The following RNGTT variants were observed in gnomAD, a reference collection of about 807,000 sequenced individuals.
RNGTT encodes the protein RNA guanylyltransferase and 5'-phosphatase.
A neutral mutation model predicts 79.3 loss-of-function variants in RNGTT; 33 were observed. That is an observed-to-expected ratio of 0.42 (90% CI 0.32 to 0.56). RNGTT has a LOEUF of 0.56. Ranked by LOEUF, RNGTT falls within the 20% of genes least tolerant of loss-of-function variation. The pLI, the probability that RNGTT is intolerant of heterozygous loss-of-function variation, is 0.17. For missense variants in RNGTT, 497 were observed against 739.1 expected (o/e 0.67, Z 3.80); for synonymous variants, 222 against 235.9 (o/e 0.94, Z 0.54).
At chr6:88,800,681 C>T (rs1465910244) in intron 12 of RNGTT, among the ~76,000 whole-genome samples, 1 of 152,184 alleles carries the variant, frequency 6.6e-6, no homozygotes, top group African/African-American at 2.4e-5. Flanking sequence ...AGTTTCTACT[C>T]AATAGGTGTG....
At chr6:88,626,338 G>A (rs1000216817) in intron 14 of RNGTT, among the ~76,000 whole-genome samples, 1 of 151,878 alleles carries the variant, frequency 6.6e-6, no homozygotes, top group African/African-American at 2.4e-5. Context: ...CCTTCTTTCC[G>A]CTAAGAATCT....
intron 6 of RNGTT, among the ~76,000 whole-genome samples, chr6:88,893,361 C>T (rs184849103): frequency 2.6e-4 from 39 of 152,158 alleles, no homozygotes; most frequent in Admixed American, 7.2e-4. Context: ...CATTTATCAA[C>T]GTGGATTTCC....
intron 13 of RNGTT, among the ~76,000 whole-genome samples, chr6:88,703,428 C>T (rs775539207): frequency 1.1e-4 from 16 of 152,150 alleles, no homozygotes; most frequent in Non-Finnish European, 2.1e-4. Flanking sequence ...GGCCATTGTC[C>T]TATGAGAATT....
intron 13 of RNGTT, among the ~76,000 whole-genome samples, chr6:88,735,567 T>TAAAA (rs71554796): frequency 2.5e-5 from 3 of 120,816 alleles, no homozygotes; most frequent in African/African-American, 9.3e-5. Context: ...ACACGAGTGT[T>TAAAA]AAAAAAAAAA....
At chr6:88,915,707 T>A (rs1048467712) in intron 4 of RNGTT, among the ~76,000 whole-genome samples, 4 of 152,172 alleles carry the variant, frequency 2.6e-5, no homozygotes, top group African/African-American at 9.7e-5. Flanking sequence ...AAGCCCAAAC[T>A]CCTGCCTCAC....
intron 11 of RNGTT, among the ~76,000 whole-genome samples, chr6:88,821,312 A>G (rs1780489842): frequency 6.6e-6 from 1 of 152,168 alleles, no homozygotes; most frequent in Non-Finnish European, 1.5e-5. Context: ...TGTGTGTTAT[A>G]CATCCCCAAG....
At chr6:88,857,799 C>T (rs1379411836) in intron 8 of RNGTT, among the ~76,000 whole-genome samples, 1 of 152,146 alleles carries the variant, frequency 6.6e-6, no homozygotes, top group South Asian at 2.1e-4. Flanking sequence ...GTAAGAGCTG[C>T]CCCATCTCTA....
chr6:88,928,918 A>C, intron 4 of RNGTT, 67 bp downstream of exon 4: 1 of 1,220,584 alleles, frequency 8.2e-7, no homozygotes, highest in Non-Finnish European at 1.2e-6. Context: ...CTTATTTGCA[A>C]ACAAGAAAAC....
rs917847505 is a variant in RNGTT at position 88,890,601 on chromosome 6, A to G, written c.795-5T>C. On this transcript the variant is annotated splice_region_variant and splice_polypyrimidine_tract_variant and intron_variant, in intron 7 of 15. Transcript: ENST00000369485. ...TGTGCTCCAGGGAATCCAGACCTTAAAGAAGAACACAGTATTACTATCGTG... is the reference window on the plus strand; with the variant it reads ...TGTGCTCCAGGGAATCCAGACCTTAGAGAAGAACACAGTATTACTATCGTG... The G allele has an allele frequency of 1.0e-5, 16 of 1,602,454 alleles. No homozygotes were observed. The highest frequency in any genetic ancestry group is 1.4e-5 in the Non-Finnish European group (16 of 1,170,444).
intron 14 of RNGTT, among the ~76,000 whole-genome samples, chr6:88,639,585 T>C (rs1773231483): frequency 6.6e-6 from 1 of 152,194 alleles, no homozygotes; most frequent in Admixed American, 6.5e-5. Context: ...ACTTCCCTTA[T>C]AGTTCTTGCT....
chr6:88,726,176 T>C, intron 13 of RNGTT, among the ~76,000 whole-genome samples: 1 of 152,146 alleles, frequency 6.6e-6, no homozygotes, highest in Middle Eastern at 3.2e-3. Context: ...CACCTTGTTG[T>C]CAGTGTAAAT....
intron 4 of RNGTT, among the ~76,000 whole-genome samples, chr6:88,917,471 G>C (rs1013523631): frequency 2.0e-5 from 3 of 152,122 alleles, no homozygotes; most frequent in Non-Finnish European, 4.4e-5. Flanking sequence ...AATGCAGTTG[G>C]AGAAAATGAA....
intron 14 of RNGTT, among the ~76,000 whole-genome samples, chr6:88,656,295 G>T (rs528625301): frequency 3.3e-5 from 5 of 152,212 alleles, no homozygotes; most frequent in Admixed American, 1.3e-4. Flanking sequence ...GATGAAATCT[G>T]CTTCATTTAT....
intron 9 of RNGTT, among the ~76,000 whole-genome samples, chr6:88,853,062 C>T (rs1167177106): frequency 6.6e-6 from 1 of 152,182 alleles, no homozygotes; most frequent in East Asian, 1.9e-4. Context: ...TCATTTAACA[C>T]CCTTTACATA....
intron 13 of RNGTT, among the ~76,000 whole-genome samples, chr6:88,728,325 T>A (rs767949629): frequency 2.6e-5 from 4 of 152,232 alleles, no homozygotes; most frequent in African/African-American, 4.8e-5. Context: ...CCTCTGTCCC[T>A]CCTGACTCTC....
At chr6:88,930,393 GAC>G (rs758310318) in intron 2 of RNGTT, among the ~76,000 whole-genome samples, 54 of 151,884 alleles carry the variant, frequency 3.6e-4, no homozygotes, top group Non-Finnish European at 5.9e-4. Flanking sequence ...AATTTGGCCA[GAC>G]ACAGTGGCTC....
chr6:88,687,814 T>A (rs969505745), intron 13 of RNGTT, among the ~76,000 whole-genome samples: 6 of 152,018 alleles, frequency 3.9e-5, no homozygotes, highest in African/African-American at 1.4e-4. Flanking sequence ...GAGGGATAGG[T>A]GAAAACAGGT....
intron 14 of RNGTT, among the ~76,000 whole-genome samples, chr6:88,617,748 A>G (rs1187897023): frequency 6.6e-6 from 1 of 152,080 alleles, no homozygotes; most frequent in East Asian, 1.9e-4. Context: ...ATAGGGGTGG[A>G]ATGCATTTTA....
At chr6:88,838,122 T>C (rs556055000) in intron 11 of RNGTT, among the ~76,000 whole-genome samples, 1 of 152,278 alleles carries the variant, frequency 6.6e-6, no homozygotes, top group Non-Finnish European at 1.5e-5. Context: ...TAACCATGTA[T>C]AAAAGGCATC....
Sources: gnomAD v4.1 joint callset for allele counts (sites outside exome capture counted in the v4.1 genomes callset) on GRCh38, gnomAD v4.1.1 for gene constraint, MANE v1.5 for transcripts, NCBI Gene and HGNC (gene_info 2026-07-23, HGNC 2026-07-21) for gene names.